Variants in PJVK observed in about 807,000 individuals in gnomAD.
PJVK encodes the protein pejvakin, also known as autosomal recessive deafness type 59 protein.
In PJVK, 33 loss-of-function variants were observed where a neutral mutation model predicts 37.6. The observed-to-expected ratio is 0.88, with a 90% CI of 0.67 to 1.17. PJVK has a LOEUF of 1.17. Ranked by LOEUF, PJVK falls within the 50% of genes most tolerant of loss-of-function variation. The pLI is 0.00. For missense variants in PJVK, 410 were observed against 413.8 expected (o/e 0.99, Z 0.08); for synonymous variants, 141 against 143.5 (o/e 0.98, Z 0.13).
intron 4 of PJVK, 51 bp downstream of exon 4, chr2:178,456,202 AT>A: frequency 6.3e-7 from 1 of 1,593,566 alleles, no homozygotes; most frequent in Admixed American, 1.8e-5. Context: ...TGCCATGGGA[AT>A]TTTTTTAAGT....
chr2:178,456,539 G>A (rs1009939898), intron 4 of PJVK, among the ~76,000 whole-genome samples: 2 of 152,168 alleles, frequency 1.3e-5, no homozygotes, highest in East Asian at 3.9e-4. Flanking sequence ...GCCGAGGTGG[G>A]CGGATCACTT....
intron 1 of PJVK, 61 bp from the exon 2 acceptor site, chr2:178,453,327 G>A: frequency 7.4e-7 from 1 of 1,348,082 alleles, no homozygotes; most frequent in Non-Finnish European, 1.1e-6. Context: ...TTAAAAACAA[G>A]CAATGCTTAA....
At position 178,454,401 on chromosome 2, in the gene PJVK, A is replaced by T; in HGVS notation, c.281A>T (p.Asn94Ile). 6.2e-7 allele frequency: 1 copy of T among 1,614,020 alleles called. No individual in the cohort carries two copies. The change falls in exon 3 of 7, where the codon AAC becomes ATC. Residue 94 changes from asparagine to isoleucine, a missense_variant. By Grantham distance (149) the Asn-to-Ile change is moderately radical. Coordinates refer to ENST00000644580, the MANE Select transcript of PJVK (RefSeq NM_001042702.5). ...SDVSLYGRRG[N>I]HIVNDVGINV... ...GTTTCACTCTATGGAAGGCGAGGTA[A>T]CCATATTGTAAATGACGTTGGGATT...
intron 5 of PJVK, among the ~76,000 whole-genome samples, 195 bp downstream of exon 5, chr2:178,458,822 T>C (rs2154126222): frequency 6.6e-6 from 1 of 152,276 alleles, no homozygotes; most frequent in South Asian, 2.1e-4. Flanking sequence ...CCATTCCACT[T>C]TTCTGCTTCT....
chr2:178,460,476 C>T, intron 6 of PJVK, 30 bp downstream of exon 6: 2 of 1,436,550 alleles, frequency 1.4e-6, no homozygotes, highest in South Asian at 1.2e-5. Flanking sequence ...CTGTGAATGT[C>T]TTTTTTTTTT....
In PJVK at chr2:178,454,542, C is replaced by A. The variant is rs727502959; in HGVS notation, c.407+15C>A. ...ATTACTACACGGTCAGTATAATAAT[C>A]CTAATATATTTCAGTGTTTTCATTA... On this transcript the variant is annotated intron_variant, in intron 3 of 6. Transcript: ENST00000644580. 2 of 1,607,170 alleles carry A rather than the reference C, an allele frequency of 1.2e-6. No individual in the cohort carries two copies. Among genetic ancestry groups the A allele is most frequent in the Middle Eastern group, 1.7e-4 (1 of 5,918 alleles).
chr2:178,457,585 G>GGTCC (rs75521356), intron 4 of PJVK, among the ~76,000 whole-genome samples: 1 of 65,288 alleles, frequency 1.5e-5, no homozygotes, highest in South Asian at 6.0e-4. Flanking sequence ...GAAAAGCCGT[G>GGTCC]CTTTTGTGCT....
chr2:178,457,175 G>A (rs1684163727), intron 4 of PJVK, among the ~76,000 whole-genome samples: 1 of 152,150 alleles, frequency 6.6e-6, no homozygotes, highest in South Asian at 2.1e-4. Context: ...CTCGTGATCC[G>A]CTAGCCTCGG....
intron 4 of PJVK, among the ~76,000 whole-genome samples, chr2:178,456,694 G>A (rs1490331208): frequency 6.6e-6 from 1 of 152,154 alleles, no homozygotes; most frequent in African/African-American, 2.4e-5. Context: ...TTGAACCTGG[G>A]AGGTGGAGGT....
Position 178,453,368 on chromosome 2 carries a change from G to T in PJVK, c.-22-20G>T. On this transcript the variant is annotated intron_variant, in intron 1 of 6. Coordinates refer to ENST00000644580, the MANE Select transcript of PJVK (RefSeq NM_001042702.5). The stretch of plus-strand genomic sequence containing the variant: ...TGCCTGATTTTCCTCTTTAAAAATG[G>T]ATTTATCTGGGGGTTGCAGTTGATG... The T allele has an allele frequency of 6.2e-7, 1 of 1,607,380 alleles. No individual in the cohort carries two copies. The highest frequency in any genetic ancestry group is 8.5e-7 in the Non-Finnish European group (1 of 1,174,462).
Position 178,454,531 on chromosome 2 carries a change from A to G in PJVK, c.407+4A>G, listed in dbSNP as rs1416850186. 2 of 1,611,898 alleles carry G rather than the reference A, an allele frequency of 1.2e-6. No homozygotes were observed. Among genetic ancestry groups the G allele is most frequent in the Non-Finnish European group, 1.7e-6 (2 of 1,178,732 alleles). ...TACTCAAAGAAATTACTACACGGTC[A>G]GTATAATAATCCTAATATATTTCAG... On this transcript the variant is annotated splice_donor_region_variant and intron_variant, in intron 3 of 6. Transcript: ENST00000644580.
At position 178,461,052 on chromosome 2, in the gene PJVK, C is replaced by G; in HGVS notation, c.837C>G (p.Asp279Glu). The change falls in exon 7 of 7, where the codon GAC becomes GAG. Residue 279 changes from aspartate to glutamate, a missense_variant. Asp to Glu is a conservative substitution (Grantham distance 45, BLOSUM62 2). Transcript: ENST00000644580. ...ATGATCTTTTTTCTGACTACTATGA[C>G]AAACCTCTCAGCATGACTGATATTT... ...YLDDLFSDYY[D>E]KPLSMTDISL... The G allele has an allele frequency of 6.2e-7, 1 of 1,614,034 alleles. No individual in the cohort carries two copies. Among genetic ancestry groups the G allele is most frequent in the Non-Finnish European group, 8.5e-7 (1 of 1,180,010 alleles).
At position 178,461,150 on chromosome 2, in the gene PJVK, G is replaced by A; in HGVS notation, c.935G>A (p.Cys312Tyr). The A allele has an allele frequency of 1.2e-6, 2 of 1,614,164 alleles. No individual in the cohort carries two copies. Among genetic ancestry groups the A allele is most frequent in the Non-Finnish European group, 1.7e-6 (2 of 1,180,030 alleles). The change falls in exon 7 of 7, where the codon TGT becomes TAT. Residue 312 changes from cysteine to tyrosine, a missense_variant. Physicochemically the swap from Cys to Tyr is radical, Grantham distance 194. Coordinates refer to ENST00000644580, the MANE Select transcript of PJVK (RefSeq NM_001042702.5). ...ATTCCCAAAGGGCCTTGCATACTCT[G>A]TGGAATGGGGAACTTCAAAAGGGAG... ...HNIPKGPCIL[C>Y]GMGNFKRETV...
chr2:178,461,440 C>A lies in PJVK; in HGVS notation c.*166C>A. The A allele has an allele frequency of 1.5e-6, 1 of 666,380 alleles. No homozygotes were observed. The highest frequency in any genetic ancestry group is 2.5e-6 in the Non-Finnish European group (1 of 396,846). 41.3% of individuals were successfully genotyped at this position (666,380 alleles called of 1,614,324 possible). A position where few individuals can be genotyped will look rare whatever the true frequency, so the allele number is the denominator to read the frequency against. ...CCTATCTATAAAGTAGCAATTATAA[C>A]AGTAGTGTCTATTTCTTAAGTTGTC... On this transcript the variant is annotated 3_prime_UTR_variant, in exon 7 of 7. Coordinates refer to ENST00000644580, the MANE Select transcript of PJVK (RefSeq NM_001042702.5).
Position 178,461,583 on chromosome 2 carries a change from C to CATTTTTTTTTTTTTTTTT in PJVK, c.*309_*310insATTTTTTTTTTTTTTTTT, listed in dbSNP as rs1559373009. Among the ~76,000 whole-genome samples the CATTTTTTTTTTTTTTTTT allele has an allele frequency of 8.5e-6, 1 of 117,216 alleles. No homozygotes were observed. Among genetic ancestry groups the CATTTTTTTTTTTTTTTTT allele is most frequent in the African/African-American group, 3.7e-5 (1 of 26,688 alleles). 76.9% of individuals were successfully genotyped at this position (117,216 alleles called of 152,430 possible). The stretch of plus-strand genomic sequence containing the variant: ...GGATGTAGTCTATCATTTTAGTTCA[C>CATTTTTTTTTTTTTTTTT]CTTTTTTTTTTTTTTTTTTGAGACA... On this transcript the variant is annotated 3_prime_UTR_variant, in exon 7 of 7. Coordinates refer to ENST00000644580, the MANE Select transcript of PJVK (RefSeq NM_001042702.5).
intron 3 of PJVK, chr2:178,455,340 C>T (rs1683980491): frequency 7.8e-7 from 1 of 1,286,570 alleles, no homozygotes; most frequent in Non-Finnish European, 1.1e-6. Context: ...GGGCTGCCAA[C>T]CTCAGACGAA....
In PJVK at chr2:178,456,112, ACTGT is replaced by A. The variant is rs1291786310; in HGVS notation, c.515_518del (p.Ser172CysfsTer35). ...GCATCCGAACCACACGACAGTGCTCACTGTCTGTGCATGCTGGAATTCGAGGGGA... is the reference window on the plus strand; with the variant it reads ...GCATCCGAACCACACGACAGTGCTCACTGTGCATGCTGGAATTCGAGGGGA... On this transcript the variant is annotated frameshift_variant, in exon 4 of 7. Coordinates refer to ENST00000644580, the MANE Select transcript of PJVK (RefSeq NM_001042702.5). LOFTEE classifies it high-confidence loss of function. 1.9e-6 allele frequency: 3 copies of A among 1,614,190 alleles called. No individual in the cohort carries two copies. Among genetic ancestry groups the A allele is most frequent in the Admixed American group, 1.7e-5 (1 of 60,026 alleles).
intron 3 of PJVK, chr2:178,455,370 T>C: frequency 1.5e-6 from 2 of 1,325,374 alleles, no homozygotes; most frequent in African/African-American, 2.9e-5. Context: ...CAGGAGATTC[T>C]GAAGAAGTTC....
chr2:178,460,534 T>G, intron 6 of PJVK, 88 bp downstream of exon 6: 1 of 1,258,236 alleles, frequency 7.9e-7, no homozygotes. Context: ...ATCTCATCTG[T>G]TAAGGAAAAA....
Sources: gnomAD v4.1 joint callset for allele counts (sites outside exome capture counted in the v4.1 genomes callset) on GRCh38, gnomAD v4.1.1 for gene constraint, MANE v1.5 for transcripts, NCBI Gene and HGNC (gene_info 2026-07-23, HGNC 2026-07-21) for gene names.